The following WWOX variants were observed in gnomAD, a reference collection of about 807,000 sequenced individuals.
WWOX encodes the protein WW domain containing oxidoreductase.
In WWOX, 69 loss-of-function variants were observed where a neutral mutation model predicts 46.2. The ratio of observed to expected loss-of-function variants is 1.49; its 90% CI spans 1.23 to 1.82. The LOEUF (loss-of-function observed/expected upper bound fraction) is 1.82, where lower values mean the gene tolerates loss of function less well. WWOX is among the 40% of genes most tolerant of loss of function. The probability of loss-of-function intolerance (pLI) is 0.00; values close to 1 mark genes in which losing one functional copy is unlikely to be tolerated. For synonymous variants in WWOX, 359 were observed against 202.6 expected (o/e 1.77, Z -6.56); for missense variants, 919 against 542.6 (o/e 1.69, Z -6.89).
chr16:78,864,039 A>T (rs928189461), intron 8 of WWOX, among the ~76,000 whole-genome samples: 2 of 152,186 alleles, frequency 1.3e-5, no homozygotes, highest in African/African-American at 4.8e-5. Flanking sequence ...GACTATTGCA[A>T]ATAAAGCTGC....
chr16:79,070,996 G>C (rs182465119), intron 8 of WWOX, among the ~76,000 whole-genome samples: 2 of 152,200 alleles, frequency 1.3e-5, no homozygotes. Flanking sequence ...TTGGGACTCA[G>C]AATGTAGGGA....
intron 8 of WWOX, among the ~76,000 whole-genome samples, chr16:78,434,932 A>T (rs1342265425): frequency 6.6e-6 from 1 of 152,220 alleles, no homozygotes. Flanking sequence ...CTAAAATATA[A>T]AGTCAGGGTA....
chr16:79,056,363 G>C (rs1389870030), intron 8 of WWOX, among the ~76,000 whole-genome samples: 1 of 152,188 alleles, frequency 6.6e-6, no homozygotes, highest in African/African-American at 2.4e-5. Flanking sequence ...GTAATACATG[G>C]AGGAGTTACC....
chr16:78,930,094 C>A (rs545940277), intron 8 of WWOX, among the ~76,000 whole-genome samples: 1 of 152,082 alleles, frequency 6.6e-6, no homozygotes, highest in Non-Finnish European at 1.5e-5. Context: ...CACACTCCTC[C>A]TTCCCTTCCT....
intron 8 of WWOX, among the ~76,000 whole-genome samples, chr16:78,585,535 C>T (rs943074721): frequency 1.3e-5 from 2 of 152,130 alleles, no homozygotes; most frequent in Non-Finnish European, 1.5e-5. Context: ...GAGGGTCCCT[C>T]GGTATTGTGG....
chr16:78,385,152 C>CACACACACACAT (rs2082035590), intron 5 of WWOX, among the ~76,000 whole-genome samples: 2 of 151,656 alleles, frequency 1.3e-5, no homozygotes, highest in Non-Finnish European at 2.9e-5. Flanking sequence ...CACACACACA[C>CACACACACACAT]ACACACACAA....
intron 8 of WWOX, chr16:78,897,266 A>AT (rs1555562291): frequency 7.3e-6 from 1 of 137,104 alleles, no homozygotes; most frequent in African/African-American, 2.8e-5. Flanking sequence ...AAAAAAAAAA[A>AT]CCAAAAAAAC....
intron 4 of WWOX, among the ~76,000 whole-genome samples, chr16:78,162,764 G>A (rs1314434934): frequency 6.6e-6 from 1 of 152,032 alleles, no homozygotes; most frequent in African/African-American, 2.4e-5. Flanking sequence ...TGTTTCATAT[G>A]TCTCTTTTGT....
intron 5 of WWOX, among the ~76,000 whole-genome samples, chr16:78,193,933 A>G (rs2035965096): frequency 6.7e-6 from 1 of 149,622 alleles, no homozygotes; most frequent in African/African-American, 2.5e-5. Flanking sequence ...GCTGGAGTGC[A>G]GTGGCGTGAT....
chr16:78,528,123 C>G (rs1267101492), intron 8 of WWOX, among the ~76,000 whole-genome samples: 3 of 143,318 alleles, frequency 2.1e-5, no homozygotes, highest in East Asian at 2.0e-4. Flanking sequence ...CTCAGCCTCC[C>G]GAGTAGCTGG....
intron 8 of WWOX, among the ~76,000 whole-genome samples, chr16:78,662,526 T>G (rs1319851902): frequency 6.6e-6 from 1 of 152,058 alleles, no homozygotes; most frequent in African/African-American, 2.4e-5. Flanking sequence ...ATCAGGCCCT[T>G]TGGACCAGTT....
chr16:78,933,871 G>A (rs759898899), intron 8 of WWOX, among the ~76,000 whole-genome samples: 14 of 151,918 alleles, frequency 9.2e-5, no homozygotes, highest in Non-Finnish European at 1.8e-4. Context: ...CATGAGATTT[G>A]GGTGGGGACA....
chr16:78,331,105 G>T (rs2080745537), intron 5 of WWOX, among the ~76,000 whole-genome samples: 1 of 151,950 alleles, frequency 6.6e-6, no homozygotes, highest in South Asian at 2.1e-4. Context: ...TTCAAAGTCT[G>T]TTTTTTTAAC....
intron 8 of WWOX, among the ~76,000 whole-genome samples, chr16:79,063,036 A>G (rs2048382186): frequency 6.6e-6 from 1 of 152,222 alleles, no homozygotes; most frequent in African/African-American, 2.4e-5. Context: ...TGAATGCAGC[A>G]AAGAAGAGGG....
intron 8 of WWOX, among the ~76,000 whole-genome samples, chr16:78,735,232 T>C (rs1240000077): frequency 6.6e-6 from 1 of 152,118 alleles, no homozygotes; most frequent in Non-Finnish European, 1.5e-5. Context: ...GTTTTGATCT[T>C]GCTGGAGTTG....
intron 8 of WWOX, among the ~76,000 whole-genome samples, chr16:79,092,156 CTGT>C (rs1203886713): frequency 3.9e-5 from 6 of 152,076 alleles, no homozygotes; most frequent in Admixed American, 3.9e-4. Flanking sequence ...GGGAGTTTGC[CTGT>C]GTGCAAGAGA....
intron 8 of WWOX, among the ~76,000 whole-genome samples, chr16:79,049,664 C>T (rs112693291): frequency 3.8e-4 from 57 of 151,944 alleles, no homozygotes; most frequent in Admixed American, 1.9e-3. Context: ...GGCGAAACCC[C>T]GTCTCTACTA....
At chr16:79,205,071 A>C (rs1225267434) in intron 8 of WWOX, 1 of 152,222 alleles carries the variant, frequency 6.6e-6, no homozygotes. Flanking sequence ...CTGCACCGTA[A>C]ACAGGAAAGG....
chr16:78,728,540 A>G (rs2048890174), intron 8 of WWOX, among the ~76,000 whole-genome samples: 4 of 151,592 alleles, frequency 2.6e-5, no homozygotes, highest in African/African-American at 4.9e-5. Flanking sequence ...CCTCTGAAAA[A>G]CTCCGCTGTC....
Sources: gnomAD v4.1 joint callset for allele counts (sites outside exome capture counted in the v4.1 genomes callset) on GRCh38, gnomAD v4.1.1 for gene constraint, MANE v1.5 for transcripts, NCBI Gene and HGNC (gene_info 2026-07-23, HGNC 2026-07-21) for gene names.